The following SUPT3H variants were observed in gnomAD, a reference collection of about 807,000 sequenced individuals.
SUPT3H encodes the protein SPT3 homolog, SAGA and STAGA complex component.
Under a neutral mutation model 44.3 loss-of-function variants are expected in SUPT3H, and 44 were observed. That is an observed-to-expected ratio of 0.99 (90% CI 0.78 to 1.28). The LOEUF is 1.28. Ranked by LOEUF, SUPT3H falls within the 50% of genes most tolerant of loss-of-function variation. The pLI, the probability that SUPT3H is intolerant of heterozygous loss-of-function variation, is 0.00. For synonymous variants in SUPT3H, 124 were observed against 125.6 expected, an observed-to-expected ratio of 0.99 and a Z score of 0.09; for missense variants, 380 against 387.1, an observed-to-expected ratio of 0.98 and a Z score of 0.15.
At chr6:45,084,700 T>C (rs576940139) in intron 3 of SUPT3H, among the ~76,000 whole-genome samples, 22 of 152,196 alleles carry the variant, frequency 1.4e-4, no homozygotes, top group Non-Finnish European at 2.4e-4. Flanking sequence ...AGCAAAGACA[T>C]GGAATCAATC....
intron 2 of SUPT3H, among the ~76,000 whole-genome samples, chr6:45,299,371 T>C (rs1408073080): frequency 1.3e-5 from 2 of 151,674 alleles, no homozygotes; most frequent in Non-Finnish European, 2.9e-5. Flanking sequence ...AGTAATGATC[T>C]TAAACTGATG....
chr6:44,842,903 C>T (rs529595155), intron 10 of SUPT3H, among the ~76,000 whole-genome samples: 15 of 151,308 alleles, frequency 9.9e-5, no homozygotes, highest in Non-Finnish European at 1.5e-4. Flanking sequence ...AGACATTGCT[C>T]AATGAAAAAG....
At chr6:45,219,953 C>CA (rs1765736281) in intron 2 of SUPT3H, among the ~76,000 whole-genome samples, 1 of 142,614 alleles carries the variant, frequency 7.0e-6, no homozygotes, top group Admixed American at 7.6e-5. Context: ...GCAGGAGAAT[C>CA]GCTTGAACCT....
intron 2 of SUPT3H, among the ~76,000 whole-genome samples, chr6:45,169,339 T>G (rs1810415879): frequency 6.6e-6 from 1 of 152,178 alleles, no homozygotes; most frequent in Non-Finnish European, 1.5e-5. Flanking sequence ...AAAATCATTC[T>G]AAATTATTAA....
At chr6:45,079,672 A>C (rs552147440) in intron 3 of SUPT3H, among the ~76,000 whole-genome samples, 1 of 152,178 alleles carries the variant, frequency 6.6e-6, no homozygotes, top group East Asian at 1.9e-4. Context: ...CACTTTCGAG[A>C]AAGATGCCAA....
intron 10 of SUPT3H, among the ~76,000 whole-genome samples, chr6:44,890,617 G>T (rs1415165663): frequency 7.8e-6 from 1 of 128,462 alleles, no homozygotes; most frequent in East Asian, 2.7e-4. Context: ...TGTGGGGTGG[G>T]GGAGGGGGGA....
intron 2 of SUPT3H, among the ~76,000 whole-genome samples, chr6:45,250,546 C>T (rs563482930): frequency 6.6e-5 from 10 of 151,852 alleles, no homozygotes; most frequent in African/African-American, 2.2e-4. Context: ...AGCTGAAGGA[C>T]CACTTCAAGA....
At chr6:45,031,727 A>C (rs1208919561) in intron 3 of SUPT3H, among the ~76,000 whole-genome samples, 1 of 152,174 alleles carries the variant, frequency 6.6e-6, no homozygotes, top group Non-Finnish European at 1.5e-5. Flanking sequence ...TACATCAATA[A>C]GAGAAAAAAT....
In SUPT3H at chr6:45,166,869, CAA is replaced by C. The variant is rs1380214879; in HGVS notation, c.102-60865_102-60864del. Among the ~76,000 whole-genome samples, 3 of 152,124 alleles carry C rather than the reference CAA, an allele frequency of 2.0e-5. No homozygotes were observed. The East Asian group carries it at 5.8e-4, about 29-fold the overall frequency. On this transcript the variant is annotated intron_variant, in intron 2 of 10. Transcript: ENST00000371459. The stretch of plus-strand genomic sequence containing the variant: ...GAATGGCTAAAAGTTAAAAGACTGA[CAA>C]GAGCAAGTGTTGACGAAGATATGAG...
chr6:45,221,352 C>A (rs1020667004), intron 2 of SUPT3H, among the ~76,000 whole-genome samples: 2 of 151,954 alleles, frequency 1.3e-5, no homozygotes, highest in Non-Finnish European at 2.9e-5. Flanking sequence ...CACATGTACC[C>A]TAGAACTTAA....
intron 5 of SUPT3H, among the ~76,000 whole-genome samples, chr6:45,010,976 A>G (rs1265634106): frequency 2.6e-5 from 4 of 152,058 alleles, no homozygotes; most frequent in African/African-American, 9.7e-5. Flanking sequence ...TGAGGTGATC[A>G]TGTGATTTTT....
At chr6:45,017,171 T>A (rs1489743665) in intron 4 of SUPT3H, among the ~76,000 whole-genome samples, 1 of 151,602 alleles carries the variant, frequency 6.6e-6, no homozygotes. Context: ...TCATATCCTT[T>A]GCCCACTTTT....
intron 1 of SUPT3H, among the ~76,000 whole-genome samples, chr6:45,371,157 CA>C (rs1215618409): frequency 6.6e-6 from 1 of 152,004 alleles, no homozygotes; most frequent in African/African-American, 2.4e-5. Context: ...ACAAACATGT[CA>C]AAAAAATAAG....
intron 3 of SUPT3H, among the ~76,000 whole-genome samples, chr6:45,059,345 T>A (rs1791611796): frequency 6.6e-6 from 1 of 152,180 alleles, no homozygotes; most frequent in Non-Finnish European, 1.5e-5. Context: ...ACCATATGAT[T>A]ATTTCAATAG....
At chr6:45,083,409 C>G (rs180782348) in intron 3 of SUPT3H, among the ~76,000 whole-genome samples, 36 of 151,996 alleles carry the variant, frequency 2.4e-4, no homozygotes, top group African/African-American at 8.7e-4. Flanking sequence ...CCAGGCTGGT[C>G]TTGAACTCCT....
chr6:45,200,652 G>C (rs747690030), intron 2 of SUPT3H, among the ~76,000 whole-genome samples: 1 of 151,440 alleles, frequency 6.6e-6, no homozygotes, highest in Non-Finnish European at 1.5e-5. Flanking sequence ...GAAGCTCATA[G>C]GGGTTAAGCA....
chr6:45,249,717 A>C (rs1772031061), intron 2 of SUPT3H, among the ~76,000 whole-genome samples: 2 of 152,030 alleles, frequency 1.3e-5, no homozygotes. Flanking sequence ...CCATGCCACT[A>C]TTCCTTCACC....
intron 2 of SUPT3H, among the ~76,000 whole-genome samples, chr6:45,332,634 C>G (rs971872027): frequency 4.6e-5 from 7 of 151,656 alleles, no homozygotes; most frequent in Non-Finnish European, 1.0e-4. Context: ...ATACTATTAC[C>G]TAACAAAAAT....
At chr6:44,907,311 G>A (rs1307387323) in intron 10 of SUPT3H, among the ~76,000 whole-genome samples, 1 of 152,066 alleles carries the variant, frequency 6.6e-6, no homozygotes, top group Non-Finnish European at 1.5e-5. Flanking sequence ...TCTATTTCAC[G>A]ATATTTGACT....
Sources: allele counts gnomAD v4.1 joint callset (sites outside exome capture counted in the v4.1 genomes callset), GRCh38; gene constraint gnomAD v4.1.1; transcripts MANE v1.5; gene names NCBI Gene and HGNC (gene_info 2026-07-23, HGNC 2026-07-21).